MED16: variants seen among roughly 807,000 people sequenced by gnomAD.
MED16 encodes mediator complex subunit 16, also known as mediator of RNA polymerase II transcription subunit 16.
MED16 carries 81 observed loss-of-function variants against 84.4 expected under a neutral mutation model. That is an observed-to-expected ratio of 0.96 (90% CI 0.80 to 1.15). The LOEUF is 1.15. Ranked by LOEUF, MED16 falls within the 50% of genes most tolerant of loss-of-function variation. The pLI, the probability that MED16 is intolerant of heterozygous loss-of-function variation, is 0.00. For synonymous variants in MED16, 897 were observed against 552.2 expected (o/e 1.62, Z -8.76); for missense variants, 1,585 against 1,245.9 (o/e 1.27, Z -4.10).
Position 875,394 on chromosome 19 carries a change from C to A in MED16, c.1621G>T (p.Val541Leu). ...GTGTGGTAGTCGCACACGCGGGTCA[C>A]CGTGCAGGGCGACAGCTTGCAGAGC... The part of the protein sequence containing the change: ...ASLCKLSPCT[V>L]TRVCDYHTKL... The change falls in exon 10 of 16, where the codon GTG becomes TTG. Residue 541 changes from valine to leucine, a missense_variant. Physicochemically the swap from Val to Leu is conservative, Grantham distance 32. Coordinates refer to ENST00000325464, the MANE Select transcript of MED16 (RefSeq NM_005481.3). 1 of 1,608,220 alleles carries A rather than the reference C, an allele frequency of 6.2e-7. No individual in the cohort carries two copies. Among genetic ancestry groups the A allele is most frequent in the South Asian group, 1.1e-5 (1 of 91,060 alleles).
chr19:870,929 A>C (rs1354164490), intron 13 of MED16, 108 bp downstream of exon 13: 1 of 1,013,768 alleles, frequency 9.9e-7, no homozygotes, highest in Non-Finnish European at 1.3e-6. Flanking sequence ...ATTCGGGGGG[A>C]CCTGGGGCAG....
chr19:879,677 C>G (rs1381383801), intron 8 of MED16, among the ~76,000 whole-genome samples: 1 of 54,744 alleles, frequency 1.8e-5, no homozygotes, highest in African/African-American at 7.1e-5. Context: ...GCCCACCAGC[C>G]CCAGCCCCAC....
At chr19:878,638 G>A (rs1389954199) in intron 8 of MED16, among the ~76,000 whole-genome samples, 10 of 97,132 alleles carry the variant, frequency 1.0e-4, no homozygotes, top group East Asian at 7.2e-4. Flanking sequence ...CCAGCCCCAC[G>A]TGCCCCAGCA....
intron 1 of MED16, 107 bp downstream of exon 1, chr19:892,979 C>A (rs1184753185): frequency 1.3e-5 from 2 of 152,284 alleles, no homozygotes; most frequent in Non-Finnish European, 2.9e-5. Flanking sequence ...CCCGGCCACG[C>A]CCCCGACCCC....
chr19:881,979 C>T lies in MED16; in HGVS notation c.986-265G>A, dbSNP rs151247622. Reference sequence around the variant, plus strand: ...CTGTGGGCCGGCACCATCTCACCCCCGATGGGGCAGACAGTGGGGAGACGG... The same window carrying T: ...CTGTGGGCCGGCACCATCTCACCCCTGATGGGGCAGACAGTGGGGAGACGG... On this transcript the variant is annotated intron_variant, in intron 6 of 15. Coordinates refer to ENST00000325464, the MANE Select transcript of MED16 (RefSeq NM_005481.3). Among the ~76,000 whole-genome samples, 331 of 152,368 alleles carry T rather than the reference C, an allele frequency of 2.2e-3. 7 individuals are homozygous for T. The highest frequency in any genetic ancestry group is 7.7e-3 in the African/African-American group (320 of 41,582).
intron 4 of MED16, among the ~76,000 whole-genome samples, chr19:889,369 G>A (rs978529893): frequency 2.0e-5 from 3 of 152,072 alleles, no homozygotes; most frequent in South Asian, 2.1e-4. Flanking sequence ...CACTAAGAAC[G>A]GCCACCCTCA....
chr19:883,025 C>T (rs114345288), intron 6 of MED16, among the ~76,000 whole-genome samples: 3 of 152,180 alleles, frequency 2.0e-5, no homozygotes, highest in Admixed American at 1.3e-4. Context: ...AACGCCCCAG[C>T]GCCGGGGGAG....
intron 6 of MED16, among the ~76,000 whole-genome samples, chr19:882,059 G>T (rs2036431684): frequency 6.6e-6 from 1 of 152,222 alleles, no homozygotes; most frequent in East Asian, 1.9e-4. Flanking sequence ...GCCTTAGCCA[G>T]CTCAGCCGGG....
In MED16 at chr19:873,217, A is replaced by T. The variant is rs913262239; in HGVS notation, c.1905+232T>A. 2.2e-5 allele frequency among the ~76,000 whole-genome samples: 3 copies of T among 135,008 alleles called. No homozygotes were observed. The East Asian group carries it at 6.5e-4, about 29-fold the overall frequency. 88.6% of individuals were successfully genotyped at this position (135,008 alleles called of 152,430 possible). ...AGGAAGTGGGGGTTTAAGAAGAGAC[A>T]GACTCAGGAAGTGGGACTCCAAGTA... is the stretch of plus-strand genomic sequence containing the variant. On this transcript the variant is annotated intron_variant, in intron 11 of 15. Transcript: ENST00000325464.
chr19:891,917 G>C (rs1453199558), intron 1 of MED16, among the ~76,000 whole-genome samples: 1 of 133,738 alleles, frequency 7.5e-6, no homozygotes, highest in African/African-American at 3.1e-5. Flanking sequence ...TGGCCGAGGC[G>C]GGGCTGAGTG....
chr19:885,071 A>G (rs1179119240), intron 5 of MED16, 63 bp from the exon 6 acceptor site: 5 of 1,329,778 alleles, frequency 3.8e-6, no homozygotes, highest in Non-Finnish European at 5.2e-6. Context: ...CCACCACCGG[A>G]GCCTGAGCTG....
At chr19:885,651 C>T (rs1315821488) in intron 5 of MED16, 119 bp downstream of exon 5, 2 of 1,227,880 alleles carry the variant, frequency 1.6e-6, no homozygotes, top group South Asian at 1.4e-5. Flanking sequence ...GAGGGACCGG[C>T]CCTGCCCACA....
intron 1 of MED16, among the ~76,000 whole-genome samples, chr19:891,511 A>G (rs2036631757): frequency 6.6e-6 from 1 of 151,278 alleles, no homozygotes; most frequent in Non-Finnish European, 1.5e-5. Context: ...TGGGGGCAGC[A>G]AGTGGACACT....
chr19:884,807 A>T, intron 6 of MED16, 96 bp downstream of exon 6: 2 of 971,552 alleles, frequency 2.1e-6, no homozygotes, highest in Non-Finnish European at 3.1e-6. Context: ...GGGGTTCAGG[A>T]CCACCCTGGG....
In MED16 at chr19:890,854, A is replaced by G. The variant is rs539298629; in HGVS notation, c.169+109T>C. 100 of 1,209,668 alleles carry G rather than the reference A, an allele frequency of 8.3e-5. 1 individual carries two copies. In the African/African-American group the frequency reaches 1.3e-3, roughly 16 times the overall value. 74.9% of individuals were successfully genotyped at this position (1,209,668 alleles called of 1,614,324 possible). On this transcript the variant is annotated intron_variant, in intron 2 of 15. Coordinates refer to ENST00000325464, the MANE Select transcript of MED16 (RefSeq NM_005481.3). ...TTACAGAGGAGGGCCAGGGTGAGTG[A>G]GAGGTGGCCTGAGAGACCGAGTCCC...
At chr19:888,563 C>T (rs1353032433) in intron 4 of MED16, among the ~76,000 whole-genome samples, 4 of 151,368 alleles carry the variant, frequency 2.6e-5, no homozygotes, top group African/African-American at 9.7e-5. Flanking sequence ...CTGAGGTTAG[C>T]TATGGTGGTG....
intron 7 of MED16, 132 bp from the exon 8 acceptor site, chr19:880,280 T>C: frequency 1.3e-6 from 1 of 754,534 alleles, no homozygotes; most frequent in South Asian, 2.1e-5. Flanking sequence ...CCAATCGGCA[T>C]CCAGCGCCCG....
At chr19:880,218 G>A in intron 7 of MED16, 70 bp from the exon 8 acceptor site, 1 of 1,430,414 alleles carries the variant, frequency 7.0e-7, no homozygotes, top group Non-Finnish European at 9.3e-7. Context: ...GGGGCCTCCT[G>A]CTCTGCAGGG....
rs150872840 is a variant in MED16 at position 875,287 on chromosome 19, G to A, written c.1728C>T (p.Pro576=). 1.6e-5 allele frequency: 24 copies of A among 1,485,436 alleles called. No individual in the cohort carries two copies. The highest frequency in any genetic ancestry group is 3.8e-5 in the South Asian group (3 of 78,890). The allele number at this position is 1,485,436 out of a possible 1,614,324, so 92.0% of individuals were successfully genotyped here. Residue 576 remains proline, a synonymous_variant, in exon 10 of 16, where the codon CCC becomes CCT. Transcript: ENST00000325464. ...TGCAGATCTCGGTCAGCCGGTCGCC[G>A]GGGCTCTTGTCAGGCGTGTTGAGAA... ...PHFLNTPDKS[P]GDRLTEICTK...
Sources: allele counts gnomAD v4.1 joint callset (sites outside exome capture counted in the v4.1 genomes callset), GRCh38; gene constraint gnomAD v4.1.1; transcripts MANE v1.5; gene names NCBI Gene and HGNC (gene_info 2026-07-23, HGNC 2026-07-21).